The following SNX29 variants were observed in gnomAD, a reference collection of about 807,000 sequenced individuals.
SNX29 encodes the protein sorting nexin 29.
SNX29 carries 78 observed loss-of-function variants against 102.1 expected under a neutral mutation model. That is an observed-to-expected ratio of 0.76 (90% CI 0.64 to 0.92). The LOEUF is 0.92. Among genes scored for constraint, SNX29 ranks in the 40% least tolerant of loss-of-function variants. SNX29 has a pLI of 0.00. For synonymous variants in SNX29, 580 were observed against 414.5 expected, an observed-to-expected ratio of 1.40 and a Z score of -4.85; for missense variants, 1,280 against 1,061.7, an observed-to-expected ratio of 1.21 and a Z score of -2.86.
At chr16:12,328,789 C>A (rs2081201390) in intron 15 of SNX29, among the ~76,000 whole-genome samples, 1 of 152,116 alleles carries the variant, frequency 6.6e-6, no homozygotes, top group Non-Finnish European at 1.5e-5. Flanking sequence ...ACAAATGCTT[C>A]TTTAAATGAT....
intron 11 of SNX29, among the ~76,000 whole-genome samples, chr16:12,124,415 A>G (rs373941779): frequency 6.6e-6 from 1 of 151,804 alleles, no homozygotes; most frequent in Admixed American, 6.6e-5. Context: ...TGAGGAGCTT[A>G]AAGTTCCACA....
chr16:12,353,026 G>T (rs1422391299), intron 15 of SNX29, among the ~76,000 whole-genome samples: 1 of 152,148 alleles, frequency 6.6e-6, no homozygotes, highest in Non-Finnish European at 1.5e-5. Context: ...ATGTCCCAAG[G>T]CTCATTAGAT....
chr16:12,013,392 C>T (rs1421512975), intron 3 of SNX29, among the ~76,000 whole-genome samples: 12 of 146,554 alleles, frequency 8.2e-5, no homozygotes, highest in South Asian at 2.2e-4. Context: ...GCCTGTAATC[C>T]CAGCACTTTG....
intron 20 of SNX29, among the ~76,000 whole-genome samples, chr16:12,548,359 A>AC: frequency 6.6e-6 from 1 of 152,248 alleles, no homozygotes; most frequent in African/African-American, 2.4e-5. Flanking sequence ...GGCACTCTGC[A>AC]CCCACATGGA....
intron 19 of SNX29, among the ~76,000 whole-genome samples, chr16:12,498,521 TCATC>T (rs2088943753): frequency 6.6e-6 from 1 of 152,242 alleles, no homozygotes; most frequent in African/African-American, 2.4e-5. Flanking sequence ...CACCATTTAT[TCATC>T]CATTCTGCAC....
At chr16:12,044,438 C>G (rs1371569874) in intron 5 of SNX29, among the ~76,000 whole-genome samples, 1 of 152,082 alleles carries the variant, frequency 6.6e-6, no homozygotes, top group African/African-American at 2.4e-5. Flanking sequence ...CTCTATGGGT[C>G]CAAAATGGGA....
intron 11 of SNX29, among the ~76,000 whole-genome samples, chr16:12,091,159 T>A (rs1375312597): frequency 2.0e-5 from 3 of 151,930 alleles, no homozygotes; most frequent in Non-Finnish European, 4.4e-5. Flanking sequence ...AGCATCCGTG[T>A]AAAATAGGAG....
intron 10 of SNX29, among the ~76,000 whole-genome samples, chr16:12,076,263 T>G (rs1360183716): frequency 1.3e-5 from 2 of 151,672 alleles, no homozygotes; most frequent in African/African-American, 4.8e-5. Flanking sequence ...CTGGGAGCTG[T>G]AGACTGGAGC....
At chr16:12,461,971 AAAAAAAAATATATAT>A (rs1227290452) in intron 18 of SNX29, among the ~76,000 whole-genome samples, 18 of 73,508 alleles carry the variant, frequency 2.4e-4, no homozygotes, top group African/African-American at 1.1e-3. Context: ...AAAAAAAAAA[AAAAAAAAATATATAT>A]ATATATATAT....
chr16:12,566,378 G>C (rs1436261716), intron 20 of SNX29, among the ~76,000 whole-genome samples: 1 of 151,630 alleles, frequency 6.6e-6, no homozygotes, highest in African/African-American at 2.4e-5. Context: ...CAACCAACAA[G>C]GCACTGGCCT....
At chr16:12,002,812 G>A (rs1204715382) in intron 2 of SNX29, among the ~76,000 whole-genome samples, 179 bp from the exon 3 acceptor site, 1 of 152,182 alleles carries the variant, frequency 6.6e-6, no homozygotes, top group Non-Finnish European at 1.5e-5. Context: ...TCAAGGCTGG[G>A]GTGCGCACCT....
intron 3 of SNX29, among the ~76,000 whole-genome samples, chr16:12,021,021 G>C (rs973242253): frequency 1.3e-5 from 2 of 152,130 alleles, no homozygotes; most frequent in African/African-American, 4.8e-5. Context: ...ATTTTCACTG[G>C]TACAGCAGAC....
At chr16:12,553,216 C>G (rs1340177914) in intron 20 of SNX29, among the ~76,000 whole-genome samples, 2 of 152,196 alleles carry the variant, frequency 1.3e-5, no homozygotes, top group South Asian at 2.1e-4. Flanking sequence ...TAGCCATGCT[C>G]GCAGATGGGG....
At chr16:12,412,939 T>G (rs760347309) in intron 18 of SNX29, among the ~76,000 whole-genome samples, 3 of 152,252 alleles carry the variant, frequency 2.0e-5, no homozygotes, top group Non-Finnish European at 2.9e-5. Flanking sequence ...CAGGGCTACC[T>G]GGCTCTCTCT....
chr16:12,558,572 T>A (rs537653970), intron 20 of SNX29, among the ~76,000 whole-genome samples: 1 of 152,198 alleles, frequency 6.6e-6, no homozygotes, highest in Non-Finnish European at 1.5e-5. Context: ...CCGTCCATGG[T>A]GGATCCATAC....
chr16:12,069,009 A>C (rs200087908), intron 9 of SNX29, 48 bp from the exon 10 acceptor site: 3 of 1,564,026 alleles, frequency 1.9e-6, no homozygotes, highest in African/African-American at 2.7e-5. Flanking sequence ...TATGGAGAAC[A>C]TGTAGTGAGA....
chr16:12,181,368 G>A (rs939185489), intron 13 of SNX29, among the ~76,000 whole-genome samples: 2 of 152,168 alleles, frequency 1.3e-5, no homozygotes, highest in South Asian at 2.1e-4. Flanking sequence ...ACATTGGTTC[G>A]GTCTGGAAGG....
chr16:12,118,317 T>TTTTTTTTTTTTTTTTA (rs2053824591), intron 11 of SNX29, among the ~76,000 whole-genome samples: 1 of 125,344 alleles, frequency 8.0e-6, no homozygotes, highest in African/African-American at 3.0e-5. Flanking sequence ...GACCACCTTT[T>TTTTTTTTTTTTTTTTA]TTTTTTTTTT....
chr16:12,351,937 G>A (rs2151296229), intron 15 of SNX29, among the ~76,000 whole-genome samples: 1 of 152,136 alleles, frequency 6.6e-6, no homozygotes, highest in East Asian at 1.9e-4. Flanking sequence ...GGGGAGTAGT[G>A]GCATCCTGAG....
Sources: allele counts gnomAD v4.1 joint callset (sites outside exome capture counted in the v4.1 genomes callset), GRCh38; gene constraint gnomAD v4.1.1; transcripts MANE v1.5; gene names NCBI Gene and HGNC (gene_info 2026-07-23, HGNC 2026-07-21).